R3HDM1: variants seen among roughly 807,000 people sequenced by gnomAD.
R3HDM1 encodes R3H domain containing 1, also known as R3H domain-containing protein 1.
R3HDM1 carries 46 observed loss-of-function variants against 141.1 expected under a neutral mutation model. The ratio of observed to expected loss-of-function variants is 0.33; its 90% CI spans 0.26 to 0.42. The LOEUF is 0.42. R3HDM1 is among the 10% of genes least tolerant of loss of function. The pLI is 1.00. For missense variants in R3HDM1, 1,184 were observed against 1,368.3 expected (o/e 0.87, Z 2.12); for synonymous variants, 435 against 472.9 (o/e 0.92, Z 1.04).
chr2:135,534,012 T>G (rs1695504960), intron 1 of R3HDM1: 1 of 985,314 alleles, frequency 1.0e-6, no homozygotes, highest in Non-Finnish European at 1.2e-6. Flanking sequence ...ATGCTGAGGG[T>G]GTTGTTGCAG....
intron 2 of R3HDM1, among the ~76,000 whole-genome samples, chr2:135,603,415 C>T (rs2059785705): frequency 6.6e-6 from 1 of 152,090 alleles, no homozygotes; most frequent in Non-Finnish European, 1.5e-5. Context: ...CGAAAATTTT[C>T]AGAAATATAG....
chr2:135,666,509 C>A (rs779651827), intron 19 of R3HDM1, among the ~76,000 whole-genome samples: 1 of 152,090 alleles, frequency 6.6e-6, no homozygotes, highest in Non-Finnish European at 1.5e-5. Flanking sequence ...TTCCCTTTTC[C>A]CTTCTCCATT....
chr2:135,699,063 T>TAGATA (rs1214720077), intron 21 of R3HDM1, among the ~76,000 whole-genome samples: 2 of 78,364 alleles, frequency 2.6e-5, no homozygotes, highest in African/African-American at 4.3e-5. Context: ...TAAGATAGAT[T>TAGATA]GATTAGATAG....
At chr2:135,660,359 A>G (rs184497096) in intron 18 of R3HDM1, among the ~76,000 whole-genome samples, 3 of 152,304 alleles carry the variant, frequency 2.0e-5, no homozygotes, top group African/African-American at 7.2e-5. Flanking sequence ...TCTTATACAC[A>G]TAGCCTTAAG....
chr2:135,554,050 A>G (rs1163573616), intron 1 of R3HDM1, among the ~76,000 whole-genome samples: 1 of 152,242 alleles, frequency 6.6e-6, no homozygotes, highest in African/African-American at 2.4e-5. Context: ...AATTAACCCT[A>G]TTAAAGTGTA....
At chr2:135,596,199 TG>T (rs1250997438) in intron 1 of R3HDM1, among the ~76,000 whole-genome samples, 2 of 152,118 alleles carry the variant, frequency 1.3e-5, no homozygotes. Context: ...GGTTTCACCA[TG>T]TTGGCCAGGC....
At chr2:135,562,014 A>G (rs1418351626) in intron 1 of R3HDM1, among the ~76,000 whole-genome samples, 6 of 152,234 alleles carry the variant, frequency 3.9e-5, no homozygotes, top group Non-Finnish European at 7.3e-5. Flanking sequence ...AAGTTAGTCT[A>G]GAGGAATGGT....
intron 1 of R3HDM1, among the ~76,000 whole-genome samples, chr2:135,536,313 A>G (rs182032962): frequency 3.9e-4 from 60 of 152,192 alleles, no homozygotes; most frequent in African/African-American, 1.4e-3. Context: ...GCATATGGCT[A>G]ATTTTTTAAT....
At chr2:135,608,320 T>TAAC (rs2060254272) in intron 3 of R3HDM1, among the ~76,000 whole-genome samples, 1 of 149,934 alleles carries the variant, frequency 6.7e-6, no homozygotes, top group Non-Finnish European at 1.5e-5. Context: ...CATCTCAAAA[T>TAAC]AATAATAATA....
chr2:135,682,889 C>T (rs748984103), intron 21 of R3HDM1, among the ~76,000 whole-genome samples: 19 of 151,908 alleles, frequency 1.3e-4, no homozygotes, highest in Non-Finnish European at 2.6e-4. Flanking sequence ...CCCAGCTACT[C>T]GGGAGGCTGA....
chr2:135,710,628 C>T (rs1284083512), intron 23 of R3HDM1, among the ~76,000 whole-genome samples: 1 of 150,910 alleles, frequency 6.6e-6, no homozygotes, highest in Non-Finnish European at 1.5e-5. Context: ...CCAGCCTGGG[C>T]AACAAGAGTG....
chr2:135,532,461 G>T (rs539594737), intron 1 of R3HDM1, among the ~76,000 whole-genome samples: 1 of 152,110 alleles, frequency 6.6e-6, no homozygotes, highest in South Asian at 2.1e-4. Context: ...ATCATGCTCC[G>T]TGTGTAATTG....
In R3HDM1 at chr2:135,645,496, A is replaced by C. The variant is rs2105260775; in HGVS notation, c.1592A>C (p.Gln531Pro). The change falls in exon 16 of 27, where the codon CAA (glutamine) becomes CCA (proline). Residue 531 changes from glutamine (Q) to proline (P), a missense_variant. Around this residue, in one of 5 missense-constraint regions of R3HDM1, gnomAD observed 563 missense variants for 562.0 expected, o/e 1.00. Coordinates refer to ENST00000683871, the MANE Select transcript of R3HDM1 (RefSeq NM_001378107.1). ...CAGCCACCTCTGCCAGCCCCACCTC[A>C]ACAACCAGCAGCTAATCACATTTTC... ...PPQPPLPAPP[Q>P]QPAANHIFSQ... is the part of the protein sequence containing the mutation. The C allele has an allele frequency of 6.2e-7, 1 of 1,614,080 alleles. No homozygotes were observed. The highest frequency in any genetic ancestry group is 1.3e-5 in the African/African-American group (1 of 75,032).
intron 1 of R3HDM1, among the ~76,000 whole-genome samples, chr2:135,580,433 G>T (rs566546205): frequency 3.9e-4 from 59 of 151,754 alleles, no homozygotes; most frequent in South Asian, 1.5e-3. Context: ...TTTATTATTG[G>T]TTTTTTTTGC....
chr2:135,565,831 C>A, intron 1 of R3HDM1: 1 of 152,646 alleles, frequency 6.6e-6, no homozygotes, highest in South Asian at 1.8e-4. Context: ...GGCGATGAGT[C>A]CGGTGGAGTC....
intron 24 of R3HDM1, 54 bp downstream of exon 24, chr2:135,715,748 C>T: frequency 4.5e-6 from 7 of 1,550,604 alleles, no homozygotes; most frequent in Non-Finnish European, 5.3e-6. Context: ...CATCCATTCC[C>T]AGTCACTTGG....
chr2:135,719,998 A>G (rs2076551039), intron 24 of R3HDM1, among the ~76,000 whole-genome samples: 2 of 152,132 alleles, frequency 1.3e-5, no homozygotes, highest in African/African-American at 4.8e-5. Flanking sequence ...GGCATGTGCC[A>G]TACGCCTGGC....
chr2:135,570,841 T>C (rs1703941197), intron 1 of R3HDM1, among the ~76,000 whole-genome samples: 3 of 152,242 alleles, frequency 2.0e-5, no homozygotes, highest in African/African-American at 7.2e-5. Flanking sequence ...GTCTTAATTT[T>C]AAAACTATTT....
chr2:135,715,450 T>C, intron 23 of R3HDM1, 100 bp from the exon 24 acceptor site: 1 of 1,315,736 alleles, frequency 7.6e-7, no homozygotes, highest in Non-Finnish European at 1.0e-6. Flanking sequence ...TCTATAATGT[T>C]TGAATTATTT....
Sources: allele counts gnomAD v4.1 joint callset (sites outside exome capture counted in the v4.1 genomes callset), GRCh38; gene constraint gnomAD v4.1.1; regional missense constraint gnomAD v4.1.1; transcripts MANE v1.5; gene names NCBI Gene and HGNC (gene_info 2026-07-23, HGNC 2026-07-21).